The following CCDC178 variants were observed in gnomAD, a reference collection of about 807,000 sequenced individuals.
CCDC178 encodes coiled-coil domain containing 178.
CCDC178 carries 126 observed loss-of-function variants against 117.4 expected under a neutral mutation model. The observed-to-expected ratio is 1.07, with a 90% CI of 0.93 to 1.24. CCDC178 has a LOEUF of 1.24. CCDC178 is among the 50% of genes most tolerant of loss of function. The probability of loss-of-function intolerance (pLI) is 0.00; values close to 1 mark genes in which losing one functional copy is unlikely to be tolerated. For synonymous variants in CCDC178, 283 were observed against 313.4 expected (o/e 0.90, Z 1.02); for missense variants, 1,030 against 986.9 (o/e 1.04, Z -0.59).
intron 22 of CCDC178, among the ~76,000 whole-genome samples, chr18:32,964,171 A>G (rs1043532370): frequency 4.6e-5 from 7 of 152,050 alleles, no homozygotes; most frequent in African/African-American, 9.7e-5. Context: ...GCACTTATTC[A>G]TTAGCTATAG....
chr18:33,423,579 T>C (rs1361972989), intron 2 of CCDC178, among the ~76,000 whole-genome samples: 1 of 152,200 alleles, frequency 6.6e-6, no homozygotes, highest in Non-Finnish European at 1.5e-5. Flanking sequence ...CTTTTCTTTG[T>C]GTATAGCACT....
intron 20 of CCDC178, among the ~76,000 whole-genome samples, chr18:33,183,656 G>C (rs1325365488): frequency 6.6e-6 from 1 of 151,980 alleles, no homozygotes; most frequent in Non-Finnish European, 1.5e-5. Flanking sequence ...AACCCATAGA[G>C]ACAACTCACA....
chr18:32,966,261 G>T (rs1368110964), intron 22 of CCDC178, among the ~76,000 whole-genome samples: 1 of 151,588 alleles, frequency 6.6e-6, no homozygotes, highest in African/African-American at 2.4e-5. Context: ...AAGTATTTGT[G>T]GGGCTTTTCT....
intron 20 of CCDC178, among the ~76,000 whole-genome samples, chr18:33,133,986 A>G (rs1187850890): frequency 6.6e-6 from 1 of 151,952 alleles, no homozygotes; most frequent in Non-Finnish European, 1.5e-5. Context: ...GGCTAAAATG[A>G]TGATGATTTT....
intron 20 of CCDC178, among the ~76,000 whole-genome samples, chr18:33,204,694 C>G (rs9652983): frequency 0.015 from 2,309 of 152,110 alleles, 35 homozygotes; most frequent in Non-Finnish European, 0.026. Context: ...GTGGCTTGAT[C>G]AACTAAGAGA....
chr18:33,214,133 G>A (rs890795824), intron 19 of CCDC178, among the ~76,000 whole-genome samples: 2 of 152,072 alleles, frequency 1.3e-5, no homozygotes, highest in Admixed American at 6.6e-5. Flanking sequence ...ACTTAAGAGT[G>A]TGATCTTAGA....
chr18:33,290,421 T>C (rs2060152269), intron 12 of CCDC178, among the ~76,000 whole-genome samples: 2 of 152,170 alleles, frequency 1.3e-5, no homozygotes, highest in Non-Finnish European at 2.9e-5. Flanking sequence ...TAGTTTGCCT[T>C]TTGGAAAGTT....
intron 14 of CCDC178, 94 bp from the exon 15 acceptor site, chr18:33,245,522 T>C: frequency 8.3e-7 from 1 of 1,207,754 alleles, no homozygotes; most frequent in African/African-American, 1.6e-5. Flanking sequence ...TATTTTATGT[T>C]GTCAAAAATA....
At chr18:33,043,569 CAT>C (rs1567952082) in intron 21 of CCDC178, among the ~76,000 whole-genome samples, 1 of 152,012 alleles carries the variant, frequency 6.6e-6, no homozygotes, top group Non-Finnish European at 1.5e-5. Flanking sequence ...TTAAACATAA[CAT>C]AATTGTCTCC....
intron 9 of CCDC178, among the ~76,000 whole-genome samples, chr18:33,337,528 A>G (rs1276584478): frequency 6.6e-6 from 1 of 152,012 alleles, no homozygotes; most frequent in African/African-American, 2.4e-5. Flanking sequence ...GTTCAGCACA[A>G]TTTCAACACA....
At chr18:33,427,775 G>A (rs1404032604) in intron 2 of CCDC178, among the ~76,000 whole-genome samples, 2 of 152,114 alleles carry the variant, frequency 1.3e-5, no homozygotes, top group Non-Finnish European at 2.9e-5. Context: ...GTAAAGAGAT[G>A]AGCCTTTCAC....
At chr18:33,154,676 CAG>C (rs1387446882) in intron 20 of CCDC178, among the ~76,000 whole-genome samples, 1 of 151,972 alleles carries the variant, frequency 6.6e-6, no homozygotes, top group East Asian at 1.9e-4. Flanking sequence ...TATAAAGATA[CAG>C]AGAGATAAAG....
Position 33,436,423 on chromosome 18 carries a change from C to A in CCDC178, c.-23+3539G>T, listed in dbSNP as rs145548170. 3.9e-5 allele frequency among the ~76,000 whole-genome samples: 6 copies of A among 152,274 alleles called. No individual in the cohort carries two copies. In the East Asian group the frequency reaches 7.7e-4, roughly 20 times the overall value. ...CAGATATGAGCTGGAAAGAGCTAGA[C>A]ATGAAGTGAGATATAGATGCAAAGG... On this transcript the variant is annotated intron_variant, in intron 2 of 22. Transcript: ENST00000383096.
chr18:33,163,670 A>G (rs2058492841), intron 20 of CCDC178, among the ~76,000 whole-genome samples: 1 of 152,208 alleles, frequency 6.6e-6, no homozygotes, highest in African/African-American at 2.4e-5. Flanking sequence ...TCTATAATAA[A>G]ATAATTTGCA....
intron 22 of CCDC178, among the ~76,000 whole-genome samples, chr18:32,951,493 G>T (rs914273326): frequency 6.6e-6 from 1 of 152,106 alleles, no homozygotes; most frequent in African/African-American, 2.4e-5. Flanking sequence ...GATCTTGTGA[G>T]AACTTACTCA....
Position 33,245,434 on chromosome 18 carries a change from A to G in CCDC178, c.1410-6T>C. 1 of 1,508,010 alleles carries G rather than the reference A, an allele frequency of 6.6e-7. No individual in the cohort carries two copies. Among genetic ancestry groups the G allele is most frequent in the Non-Finnish European group, 8.9e-7 (1 of 1,126,844 alleles). 93.4% of individuals were successfully genotyped at this position (1,508,010 alleles called of 1,614,324 possible). Reference sequence around the variant, plus strand: ...ATTTTGATTTTTTCCGTATGCTGTAAAAGTAAAGCAAAAATTAATATTATT... The same window carrying G: ...ATTTTGATTTTTTCCGTATGCTGTAGAAGTAAAGCAAAAATTAATATTATT... On this transcript the variant is annotated splice_region_variant and splice_polypyrimidine_tract_variant and intron_variant, in intron 14 of 22. Transcript: ENST00000383096.
chr18:33,350,591 T>C lies in CCDC178; in HGVS notation c.372-1616A>G, dbSNP rs116220549. The stretch of plus-strand genomic sequence containing the variant: ...GTTTCAAGATTTCTCCATGTTGCAG[T>C]ATGTAGAAGAATTTTATTTCTTTTA... On this transcript the variant is annotated intron_variant, in intron 7 of 22. Transcript: ENST00000383096. Among the ~76,000 whole-genome samples the C allele has an allele frequency of 6.7e-3, 1,018 of 152,306 alleles. 7 individuals are homozygous for C. The highest frequency in any genetic ancestry group is 0.037 in the Middle Eastern group (11 of 294).
At chr18:33,288,038 T>G (rs1186933621) in intron 12 of CCDC178, among the ~76,000 whole-genome samples, 1 of 152,186 alleles carries the variant, frequency 6.6e-6, no homozygotes. Context: ...TTATTGATTA[T>G]GCTATACTTC....
chr18:33,316,286 C>G (rs1476358246), intron 11 of CCDC178, among the ~76,000 whole-genome samples: 1 of 152,180 alleles, frequency 6.6e-6, no homozygotes, highest in East Asian at 1.9e-4. Context: ...GCGCGAGTTC[C>G]GTGGGTGTGA....
Sources: gnomAD v4.1 joint callset for allele counts (sites outside exome capture counted in the v4.1 genomes callset) on GRCh38, gnomAD v4.1.1 for gene constraint, MANE v1.5 for transcripts, NCBI Gene and HGNC (gene_info 2026-07-23, HGNC 2026-07-21) for gene names.